The following PRKG1 variants were observed in gnomAD, a reference collection of about 807,000 sequenced individuals.
PRKG1 encodes the protein protein kinase cGMP-dependent 1, also known as cGMP-dependent protein kinase 1.
A neutral mutation model predicts 88.1 loss-of-function variants in PRKG1; 35 were observed. That is an observed-to-expected ratio of 0.40 (90% CI 0.30 to 0.53). The LOEUF is 0.53. Among genes scored for constraint, PRKG1 ranks in the 20% least tolerant of loss-of-function variants. The pLI, the probability that PRKG1 is intolerant of heterozygous loss-of-function variation, is 0.59. For missense variants in PRKG1, 540 were observed against 839.8 expected (o/e 0.64, Z 4.41); for synonymous variants, 303 against 292.5 (o/e 1.04, Z -0.37).
At chr10:51,845,239 T>G (rs1840369225) in intron 4 of PRKG1, among the ~76,000 whole-genome samples, 2 of 152,172 alleles carry the variant, frequency 1.3e-5, no homozygotes, top group Admixed American at 6.6e-5. Context: ...TGGGATGGCC[T>G]TTCCCTCTTC....
chr10:52,009,890 TTGAC>T (rs1200746874), intron 5 of PRKG1, among the ~76,000 whole-genome samples: 3 of 152,090 alleles, frequency 2.0e-5, no homozygotes, highest in African/African-American at 7.2e-5. Flanking sequence ...CATCTGATGT[TTGAC>T]TGAGATGATG....
intron 3 of PRKG1, among the ~76,000 whole-genome samples, chr10:51,610,119 A>T (rs914051642): frequency 6.6e-6 from 1 of 152,152 alleles, no homozygotes; most frequent in African/African-American, 2.4e-5. Flanking sequence ...CATGAGCATC[A>T]TTTGTATGTT....
intron 14 of PRKG1, among the ~76,000 whole-genome samples, chr10:52,287,628 A>G (rs1035811413): frequency 6.6e-6 from 1 of 151,836 alleles, no homozygotes; most frequent in African/African-American, 2.4e-5. Context: ...AATTTGAAGG[A>G]AAGACCTGAC....
At chr10:51,110,175 A>G (rs913643611) in intron 1 of PRKG1, among the ~76,000 whole-genome samples, 28 of 152,118 alleles carry the variant, frequency 1.8e-4, no homozygotes, top group Admixed American at 2.0e-4. Flanking sequence ...TACATCTACC[A>G]TGAGATCCAC....
rs57491396 is a variant in PRKG1 at position 52,278,902 on chromosome 10, C to CAA, written c.1404-1872_1404-1871dup. 8.0e-4 allele frequency among the ~76,000 whole-genome samples: 69 copies of CAA among 86,668 alleles called. 1 individual carries two copies. Among genetic ancestry groups the CAA allele is most frequent in the South Asian group, 2.5e-3 (7 of 2,758 alleles). 56.9% of individuals were successfully genotyped at this position (86,668 alleles called of 152,430 possible). A position where few individuals can be genotyped will look rare whatever the true frequency, so the allele number is the denominator to read the frequency against. On this transcript the variant is annotated intron_variant, in intron 12 of 17. Transcript: ENST00000373980. ...TGGGTGACAGAGTGAGACTCCATCTCAAAAAAAAAAAAAAAAGAACAAGAT... is the reference window on the plus strand; with the variant it reads ...TGGGTGACAGAGTGAGACTCCATCTCAAAAAAAAAAAAAAAAAAGAACAAGAT...
intron 1 of PRKG1, among the ~76,000 whole-genome samples, chr10:51,095,036 A>G (rs1166045357): frequency 6.6e-6 from 1 of 152,152 alleles, no homozygotes; most frequent in Non-Finnish European, 1.5e-5. Context: ...CCTGCAGAGC[A>G]CTGATCCTTA....
intron 2 of PRKG1, among the ~76,000 whole-genome samples, chr10:51,247,565 G>A (rs574665500): frequency 3.9e-5 from 6 of 151,968 alleles, no homozygotes; most frequent in African/African-American, 1.4e-4. Context: ...AACAAAAATT[G>A]TTTGCCTTTT....
At chr10:51,733,147 C>T (rs1305972889) in intron 3 of PRKG1, among the ~76,000 whole-genome samples, 2 of 152,322 alleles carry the variant, frequency 1.3e-5, no homozygotes, top group East Asian at 3.9e-4. Context: ...CTACTAGCCT[C>T]ATGACCTAAT....
chr10:52,035,015 T>C (rs1845570712), intron 5 of PRKG1, among the ~76,000 whole-genome samples: 1 of 152,166 alleles, frequency 6.6e-6, no homozygotes, highest in East Asian at 1.9e-4. Flanking sequence ...CAGAGGACCA[T>C]AAGGGACATA....
intron 9 of PRKG1, among the ~76,000 whole-genome samples, chr10:52,226,834 A>G (rs1287615504): frequency 6.6e-6 from 1 of 152,188 alleles, no homozygotes; most frequent in Non-Finnish European, 1.5e-5. Context: ...TAGGGTCAAC[A>G]TGTCAGTCAT....
intron 11 of PRKG1, among the ~76,000 whole-genome samples, chr10:52,271,868 A>C (rs529756650): frequency 1.4e-4 from 21 of 152,220 alleles, no homozygotes; most frequent in Admixed American, 1.2e-3. Context: ...AAATGAAATG[A>C]CAGCTGACCA....
chr10:51,398,455 G>A (rs1171162910), intron 2 of PRKG1, among the ~76,000 whole-genome samples: 2 of 152,152 alleles, frequency 1.3e-5, no homozygotes, highest in Non-Finnish European at 2.9e-5. Context: ...GACTGATATG[G>A]GGTCCACGCC....
chr10:52,033,500 T>G (rs932196387), intron 5 of PRKG1, among the ~76,000 whole-genome samples: 1 of 152,196 alleles, frequency 6.6e-6, no homozygotes, highest in East Asian at 1.9e-4. Context: ...TTATGGACTA[T>G]GTTTATATCA....
At chr10:51,866,908 A>G (rs907503967) in intron 4 of PRKG1, among the ~76,000 whole-genome samples, 3 of 152,186 alleles carry the variant, frequency 2.0e-5, no homozygotes, top group Non-Finnish European at 4.4e-5. Flanking sequence ...CTCTATCCCC[A>G]AAACCTCAGT....
intron 2 of PRKG1, among the ~76,000 whole-genome samples, chr10:51,281,668 A>C (rs1840301402): frequency 6.6e-6 from 1 of 152,178 alleles, no homozygotes; most frequent in Non-Finnish European, 1.5e-5. Flanking sequence ...ACCTCTGCAG[A>C]CTTAAGTGTC....
intron 10 of PRKG1, among the ~76,000 whole-genome samples, chr10:52,264,565 G>C (rs1841525083): frequency 1.3e-5 from 2 of 151,942 alleles, no homozygotes; most frequent in Non-Finnish European, 2.9e-5. Context: ...TTTCTCCCAG[G>C]TTAAAGAGAG....
intron 3 of PRKG1, among the ~76,000 whole-genome samples, chr10:51,791,365 C>G (rs1165012449): frequency 6.6e-6 from 1 of 152,088 alleles, no homozygotes; most frequent in Non-Finnish European, 1.5e-5. Flanking sequence ...AATCTCTTAA[C>G]TCTTGACTTC....
rs532157334 is a variant in PRKG1, at chr10:51,848,993, A to G, written c.698+44303A>G. 7.2e-5 allele frequency among the ~76,000 whole-genome samples: 11 copies of G among 152,234 alleles called. No homozygotes were observed. In the East Asian group the frequency reaches 2.1e-3, roughly 29 times the overall value. On this transcript the variant is annotated intron_variant, in intron 4 of 17. Transcript: ENST00000373980. ...AGAAACCTTGCAATATATTTAAACT[A>G]CAAAATCATAGTTTAGGTCCTGTAT...
intron 2 of PRKG1, among the ~76,000 whole-genome samples, chr10:51,173,411 A>AGT (rs3998227): frequency 0.54 from 80,891 of 149,842 alleles, 22,779 homozygotes; most frequent in African/African-American, 0.74. Flanking sequence ...AGAGTTGGGC[A>AGT]GTGTGTGTGT....
Sources: allele counts gnomAD v4.1 joint callset (sites outside exome capture counted in the v4.1 genomes callset), GRCh38; gene constraint gnomAD v4.1.1; transcripts MANE v1.5; gene names NCBI Gene and HGNC (gene_info 2026-07-23, HGNC 2026-07-21).